VEGFA: variants seen among roughly 807,000 people sequenced by gnomAD.
The protein encoded by VEGFA is vascular endothelial growth factor A, also known as vascular endothelial growth factor A, long form.
VEGFA carries 20 observed loss-of-function variants against 49.7 expected under a neutral mutation model. The ratio of observed to expected loss-of-function variants is 0.40; its 90% confidence interval spans 0.28 to 0.58. VEGFA has a LOEUF of 0.58. Among genes scored for constraint, VEGFA ranks in the 20% least tolerant of loss-of-function variants. VEGFA has a pLI of 0.40. For synonymous variants in VEGFA, 219 were observed against 223.4 expected, an observed-to-expected ratio of 0.98 and a Z score of 0.18; for missense variants, 505 against 553.5, an observed-to-expected ratio of 0.91 and a Z score of 0.88.
intron 2 of VEGFA, chr6:43,775,545 C>T (rs1765123515): frequency 6.6e-6 from 1 of 152,164 alleles, no homozygotes; most frequent in African/African-American, 2.4e-5. Context: ...ATTCCTACCC[C>T]AGGTCTTTTT....
chr6:43,782,097 C>A lies in VEGFA; in HGVS notation c.1166+10C>A, dbSNP rs777881934. On this transcript the variant is annotated intron_variant, in intron 7 of 7. Transcript: ENST00000672860. ...ACGAACGTACTTGCAGGTTGGTTCC[C>A]AGAGGGCAAGCAAGTCAGAGAGGGG... 1.9e-6 allele frequency: 3 copies of A among 1,613,252 alleles called. No individual in the cohort carries two copies. The Admixed American group carries it at 5.0e-5, about 27-fold the overall frequency.
chr6:43,784,169 C>T lies in VEGFA; in HGVS notation c.1167-372C>T, dbSNP rs1267940967. On this transcript the variant is annotated intron_variant, in intron 7 of 7. Transcript: ENST00000672860. ...GCAGGGAGCCTCTTCTGATTAACTT[C>T]ATCCAGCTCTGGTCACCCATCAGCT... is the stretch of plus-strand genomic sequence containing the variant. The T allele has an allele frequency of 2.8e-5, 10 of 356,096 alleles. 1 individual carries two copies. Among genetic ancestry groups the T allele is most frequent in the South Asian group, 1.4e-4 (5 of 35,998 alleles). 22.1% of individuals were successfully genotyped at this position (356,096 alleles called of 1,614,324 possible). A position where few individuals can be genotyped will look rare whatever the true frequency, so the allele number is the denominator to read the frequency against.
intron 7 of VEGFA, chr6:43,783,524 G>C (rs1290193598): frequency 1.3e-5 from 2 of 152,322 alleles, no homozygotes; most frequent in Non-Finnish European, 2.9e-5. Context: ...CCTTGGGAAA[G>C]ATAAGGGACT....
chr6:43,772,024 C>T (rs552105406), intron 1 of VEGFA: 541 of 985,386 alleles, frequency 5.5e-4, no homozygotes, highest in Non-Finnish European at 6.3e-4. Flanking sequence ...GGAGCCTCGG[C>T]TGCCCGAATG....
chr6:43,771,374 G>A (rs2127997833), intron 1 of VEGFA, 62 bp downstream of exon 1: 1 of 1,550,032 alleles, frequency 6.5e-7, no homozygotes, highest in Non-Finnish European at 8.7e-7. Context: ...GGCTGGGGAC[G>A]TGCGTGCGAG....
In VEGFA at chr6:43,770,309, C is replaced by T. The variant is rs969010986; in HGVS notation, c.-398C>T. The stretch of plus-strand genomic sequence containing the variant: ...CGCAGCGGTTAGGTGGACCGGTCAG[C>T]GGACTCACCGGCCAGGGCGCTCGGT... On this transcript the variant is annotated 5_prime_UTR_variant, in exon 1 of 8. Coordinates refer to ENST00000672860, the MANE Select transcript of VEGFA (RefSeq NM_003376.6). 1.9e-5 allele frequency: 5 copies of T among 268,068 alleles called. No individual in the cohort carries two copies. The highest frequency in any genetic ancestry group is 1.1e-4 in the African/African-American group (5 of 46,222). The allele number at this position is 268,068 out of a possible 1,614,324, so 16.6% of individuals were successfully genotyped here.
At chr6:43,775,741 C>T (rs1561987510) in intron 2 of VEGFA, 1 of 152,226 alleles carries the variant, frequency 6.6e-6, no homozygotes. Context: ...CTCGTTCACT[C>T]TTTTTGATGA....
In VEGFA at chr6:43,777,852, C is replaced by T; in HGVS notation, c.855+187C>T. The T allele has an allele frequency of 1.5e-6, 1 of 649,716 alleles. No individual in the cohort carries two copies. Among genetic ancestry groups the T allele is most frequent in the East Asian group, 2.8e-5 (1 of 36,218 alleles). 40.2% of individuals were successfully genotyped at this position (649,716 alleles called of 1,614,324 possible). ...GATGCTTCATTCCCAGCCCAGGTTCCCAGCAAGCCCCAACCATCTCCTTCT... is the reference window on the plus strand; with the variant it reads ...GATGCTTCATTCCCAGCCCAGGTTCTCAGCAAGCCCCAACCATCTCCTTCT... On this transcript the variant is annotated intron_variant, in intron 3 of 7. Coordinates refer to ENST00000672860, the MANE Select transcript of VEGFA (RefSeq NM_003376.6). The surrounding 1 kb of genome is among the most constrained non-coding windows in gnomAD (Gnocchi z 4.3).
In VEGFA at chr6:43,777,294, G is replaced by A. The variant is rs998156621; in HGVS notation, c.659-175G>A. The A allele has an allele frequency of 1.7e-5, 12 of 716,258 alleles. No individual in the cohort carries two copies. Among genetic ancestry groups the A allele is most frequent in the Middle Eastern group, 7.3e-4 (2 of 2,732 alleles). 44.4% of individuals were successfully genotyped at this position (716,258 alleles called of 1,614,324 possible). On this transcript the variant is annotated intron_variant, in intron 2 of 7. Transcript: ENST00000672860. The surrounding 1 kb of genome is among the most constrained non-coding windows in gnomAD (Gnocchi z 4.3). The stretch of plus-strand genomic sequence containing the variant: ...AAAACAGGCCTTCACCAGTGTTGAT[G>A]GTGGAAAGCTTAGGGAAGTGCTTCA...
rs1460226948 is a variant in VEGFA at position 43,771,060 on chromosome 6, A to G, written c.354A>G (p.Ser118=). 2.0e-6 allele frequency: 3 copies of G among 1,514,572 alleles called. No individual in the cohort carries two copies. Among genetic ancestry groups the G allele is most frequent in the South Asian group, 1.3e-5 (1 of 79,318 alleles). The allele number at this position is 1,514,572 out of a possible 1,614,324, so 93.8% of individuals were successfully genotyped here. ...GACTCGGCGCTCGGAAGCCGGGCTC[A>G]TGGACGGGTGAGGCGGCGGTGTGCG... Residue 118 remains serine, a synonymous_variant, in exon 1 of 8, where the codon TCA becomes TCG. Transcript: ENST00000672860.
In VEGFA at chr6:43,777,379, A is replaced by C; in HGVS notation, c.659-90A>C. The C allele has an allele frequency of 6.8e-7, 1 of 1,470,668 alleles. No individual in the cohort carries two copies. Among genetic ancestry groups the C allele is most frequent in the Non-Finnish European group, 9.4e-7 (1 of 1,059,708 alleles). The allele number at this position is 1,470,668 out of a possible 1,614,324, so 91.1% of individuals were successfully genotyped here. On this transcript the variant is annotated intron_variant, in intron 2 of 7. Coordinates refer to ENST00000672860, the MANE Select transcript of VEGFA (RefSeq NM_003376.6). The surrounding 1 kb of genome is among the most constrained non-coding windows in gnomAD (Gnocchi z 4.3). Reference sequence around the variant, plus strand: ...AGGACTTGCCTGATTCGGAAGCTCCAAAGAGTGGCATTACAGAGCTGGGTG... The same window carrying C: ...AGGACTTGCCTGATTCGGAAGCTCCCAAGAGTGGCATTACAGAGCTGGGTG...
rs767587788 is a variant in VEGFA at position 43,778,469 on chromosome 6, A to C, written c.865A>C (p.Ile289Leu). Residue 289 changes from isoleucine to leucine, a missense_variant, in exon 4 of 8, where the codon ATC (isoleucine) becomes CTC (leucine). Physicochemically the swap from Ile to Leu is conservative, Grantham distance 5. Around this residue, in one of 2 missense-constraint regions of VEGFA, gnomAD observed 165 missense variants for 231.7 expected, o/e 0.71. Transcript: ENST00000672860. ...CTTCCTTCCTTTCCAGATTATGCGG[A>C]TCAAACCTCACCAAGGCCAGCACAT... 5 of 1,614,040 alleles carry C rather than the reference A, an allele frequency of 3.1e-6. No homozygotes were observed. The highest frequency in any genetic ancestry group is 1.1e-5 in the South Asian group (1 of 91,090).
Position 43,782,055 on chromosome 6 carries a change from G to T in VEGFA, c.1134G>T (p.Ala378=). The change falls in exon 7 of 8, where the codon GCG becomes GCT. Residue 378 remains alanine (A), a synonymous_variant. Coordinates refer to ENST00000672860, the MANE Select transcript of VEGFA (RefSeq NM_003376.6). Reference sequence around the variant, plus strand: ...AAAACACAGACTCGCGTTGCAAGGCGAGGCAGCTTGAGTTAAACGAACGTA... The same window carrying T: ...AAAACACAGACTCGCGTTGCAAGGCTAGGCAGCTTGAGTTAAACGAACGTA... The T allele has an allele frequency of 6.2e-7, 1 of 1,614,068 alleles. No homozygotes were observed. Among genetic ancestry groups the T allele is most frequent in the South Asian group, 1.1e-5 (1 of 91,064 alleles).
At chr6:43,779,946 C>T (rs890095483) in intron 5 of VEGFA, 13 of 296,146 alleles carry the variant, frequency 4.4e-5, no homozygotes, top group Non-Finnish European at 8.3e-5. Context: ...GTAGGGGGCT[C>T]GCCTGGGCTC....
intron 5 of VEGFA, chr6:43,779,183 A>C: frequency 1.7e-6 from 1 of 582,380 alleles, no homozygotes; most frequent in Non-Finnish European, 3.1e-6. Flanking sequence ...CCTGACCAGG[A>C]CTTGCTGTTT....
chr6:43,778,063 T>A, intron 3 of VEGFA: 1 of 443,828 alleles, frequency 2.3e-6, no homozygotes. Flanking sequence ...ATGGGGCACA[T>A]CTCAGCCCAG....
chr6:43,785,560 T>G lies in VEGFA; in HGVS notation c.*998T>G, dbSNP rs539264549. On this transcript the variant is annotated 3_prime_UTR_variant, in exon 8 of 8. Transcript: ENST00000672860. ...CAGCTCCCCTTCCTGGGACTCGCCC[T>G]CATCCTCTTCCTGCTCCCCTTCCTG... The G allele has an allele frequency of 4.8e-6, 1 of 210,312 alleles. No individual in the cohort carries two copies. The highest frequency in any genetic ancestry group is 9.7e-6 in the Non-Finnish European group (1 of 103,346). 13.0% of individuals were successfully genotyped at this position (210,312 alleles called of 1,614,324 possible). A position where few individuals can be genotyped will look rare whatever the true frequency, so the allele number is the denominator to read the frequency against.
At chr6:43,771,834 G>C (rs932053051) in intron 1 of VEGFA, among the ~76,000 whole-genome samples, 1 of 152,190 alleles carries the variant, frequency 6.6e-6, no homozygotes, top group Non-Finnish European at 1.5e-5. Context: ...CGCGAGTTTG[G>C]GAAAAGTTTT....
chr6:43,771,870 C>A (rs1043667806), intron 1 of VEGFA: 3 of 220,152 alleles, frequency 1.4e-5, no homozygotes, highest in Non-Finnish European at 2.3e-5. Flanking sequence ...GGGGACCCCC[C>A]CTCCCTGCTG....
Sources: gnomAD v4.1 joint callset for allele counts (sites outside exome capture counted in the v4.1 genomes callset) on GRCh38, gnomAD v4.1.1 for gene constraint, gnomAD v4.1.1 regional missense constraint, Gnocchi (gnomAD v3.1) non-coding constraint, MANE v1.5 for transcripts, NCBI Gene and HGNC (gene_info 2026-07-23, HGNC 2026-07-21) for gene names.